The following ENO4 variants were observed in gnomAD, a reference collection of about 807,000 sequenced individuals.
ENO4 encodes enolase 4, also known as 2-phospho-D-glycerate hydro-lyase.
ENO4 carries 53 observed loss-of-function variants against 63.2 expected under a neutral mutation model. The observed-to-expected ratio is 0.84, with a 90% CI of 0.67 to 1.05. The LOEUF (loss-of-function observed/expected upper bound fraction) is 1.05, where lower values mean the gene tolerates loss of function less well. ENO4 is among the 50% of genes least tolerant of loss of function. ENO4 has a pLI of 0.00. For synonymous variants in ENO4, 266 were observed against 283.8 expected, an observed-to-expected ratio of 0.94 and a Z score of 0.63; for missense variants, 719 against 772.0, an observed-to-expected ratio of 0.93 and a Z score of 0.81.
chr10:116,861,236 A>AATAT (rs57040708), intron 6 of ENO4, 46 bp downstream of exon 6: 2,805 of 167,410 alleles, frequency 0.017, 22 homozygotes, highest in Admixed American at 0.024. Flanking sequence ...AAAAAAAAAA[A>AATAT]ATATATATAT....
chr10:116,890,340 G>A (rs1847300121), intron 10 of ENO4, among the ~76,000 whole-genome samples: 1 of 152,178 alleles, frequency 6.6e-6, no homozygotes. Flanking sequence ...TGGGATGCTT[G>A]GGCTGACAGG....
rs1486760087 is a variant in ENO4 at position 116,880,004 on chromosome 10, GCTTT to G, written c.1723+19_1723+22del. The G allele has an allele frequency of 1.3e-6, 2 of 1,514,670 alleles. No homozygotes were observed. The highest frequency in any genetic ancestry group is 1.7e-4 in the Middle Eastern group (1 of 5,914). The allele number at this position is 1,514,670 out of a possible 1,614,324, so 93.8% of individuals were successfully genotyped here. A position where few individuals can be genotyped will look rare whatever the true frequency, so the allele number is the denominator to read the frequency against. On this transcript the variant is annotated intron_variant, in intron 13 of 13. Coordinates refer to ENST00000341276, the MANE Select transcript of ENO4 (RefSeq NM_001242699.2). ...AACACTGGGTATGCGCTGCTTTCTT[GCTTT>G]GTTTCCACTTAGCCATGAATAAGAG...
chr10:116,855,096 T>C lies in ENO4; in HGVS notation c.166-527T>C, dbSNP rs148978254. On this transcript the variant is annotated intron_variant, in intron 1 of 13. Transcript: ENST00000341276. Reference sequence around the variant, plus strand: ...AATCACGAGGTCAAGAGATTGAGACTATCCTGGCCAACATGGTGAAACCCC... The same window carrying C: ...AATCACGAGGTCAAGAGATTGAGACCATCCTGGCCAACATGGTGAAACCCC... Among the ~76,000 whole-genome samples, 638 of 151,926 alleles carry C rather than the reference T, an allele frequency of 4.2e-3. 8 individuals carry two copies. Among genetic ancestry groups the C allele is most frequent in the Non-Finnish European group, 3.6e-3 (244 of 67,960 alleles).
At chr10:116,859,261 C>A in intron 4 of ENO4, 123 bp downstream of exon 4, 1 of 1,147,728 alleles carries the variant, frequency 8.7e-7, no homozygotes, top group Non-Finnish European at 1.2e-6. Flanking sequence ...CGGCTAAAAG[C>A]CATCCATCCT....
intron 4 of ENO4, 80 bp from the exon 5 acceptor site, chr10:116,860,714 C>T: frequency 9.1e-7 from 1 of 1,101,226 alleles, no homozygotes; most frequent in Non-Finnish European, 1.2e-6. Flanking sequence ...CGGCTTTCAT[C>T]CTTTCTTTTT....
rs1846316608 is a variant in ENO4, at chr10:116,858,087, C to A, written c.486-903C>A. 2.0e-5 allele frequency among the ~76,000 whole-genome samples: 3 copies of A among 151,822 alleles called. No homozygotes were observed. The South Asian group carries it at 6.2e-4, about 32-fold the overall frequency. On this transcript the variant is annotated intron_variant, in intron 3 of 13. Transcript: ENST00000341276. ...CAGTTACATCTTGTATTTTATTACA[C>A]TCCTTTTTTTCCTGGCATTTTCCCT...
intron 8 of ENO4, among the ~76,000 whole-genome samples, chr10:116,870,702 T>C (rs1255828879): frequency 1.3e-5 from 2 of 152,152 alleles, no homozygotes; most frequent in Non-Finnish European, 2.9e-5. Flanking sequence ...GCTGCGTTTA[T>C]CTAGAAGAAA....
At chr10:116,856,094 T>C (rs1846249415) in intron 2 of ENO4, among the ~76,000 whole-genome samples, 1 of 152,218 alleles carries the variant, frequency 6.6e-6, no homozygotes, top group African/African-American at 2.4e-5. Context: ...CATTTATAGA[T>C]GTTAGACTGA....
chr10:116,879,519 T>C (rs1462096334), intron 12 of ENO4, among the ~76,000 whole-genome samples, 161 bp downstream of exon 12: 2 of 152,296 alleles, frequency 1.3e-5, no homozygotes, highest in East Asian at 3.9e-4. Context: ...TCTTTGAACT[T>C]TTAAAAAGAA....
intron 9 of ENO4, among the ~76,000 whole-genome samples, chr10:116,873,229 T>A (rs935443024): frequency 2.6e-5 from 4 of 152,152 alleles, no homozygotes; most frequent in Non-Finnish European, 5.9e-5. Flanking sequence ...AAGTATGAAA[T>A]CCCTTCAGTT....
chr10:116,879,978 G>T lies in ENO4; in HGVS notation c.1715G>T (p.Gly572Val), dbSNP rs940384813. The change falls in exon 13 of 14, where the codon GGA (glycine) becomes GTA (valine). Residue 572 changes from glycine (G) to valine (V), a missense_variant. Physicochemically the swap from Gly to Val is moderately radical, Grantham distance 109. Around this residue, in one of 3 missense-constraint regions of ENO4, gnomAD observed 168 missense variants for 163.3 expected, o/e 1.03. Coordinates refer to ENST00000341276, the MANE Select transcript of ENO4 (RefSeq NM_001242699.2). Reference protein sequence around the residue: ...LTIEEELVQNGTLGFKEEHTF... With the variant: ...LTIEEELVQNVTLGFKEEHTF... ...ATAGAGGAAGAACTTGTCCAGAATG[G>T]AACACTGGGTATGCGCTGCTTTCTT... 6.5e-7 allele frequency: 1 copy of T among 1,546,648 alleles called. No homozygotes were observed. The highest frequency in any genetic ancestry group is 1.4e-5 in the African/African-American group (1 of 72,916).
At chr10:116,900,307 T>C (rs1237976551) in intron 10 of ENO4, 8 of 554,108 alleles carry the variant, frequency 1.4e-5, no homozygotes, top group Non-Finnish European at 2.6e-5. Flanking sequence ...TAAGCAGTCA[T>C]TGAACAAGCA....
downstream of ENO4, chr10:116,886,115 A>G: frequency 1.8e-6 from 1 of 569,504 alleles, no homozygotes; most frequent in South Asian, 2.7e-5. Context: ...TAGGAAAAAA[A>G]CCTCATCTTT....
At chr10:116,874,315 AAAAT>A in intron 10 of ENO4, 114 bp downstream of exon 10, 2 of 969,696 alleles carry the variant, frequency 2.1e-6, no homozygotes, top group Non-Finnish European at 2.8e-6. Context: ...AACAGAGAAT[AAAAT>A]CTCATTCTTT....
At chr10:116,871,078 C>T (rs1204930832) in intron 8 of ENO4, 47 bp from the exon 9 acceptor site, 1 of 1,524,436 alleles carries the variant, frequency 6.6e-7, no homozygotes, top group South Asian at 1.2e-5. Flanking sequence ...GCGCCAAGAA[C>T]CTTAATGTGC....
intron 4 of ENO4, among the ~76,000 whole-genome samples, chr10:116,860,325 C>T (rs1035255922): frequency 2.6e-5 from 4 of 152,160 alleles, no homozygotes; most frequent in Non-Finnish European, 5.9e-5. Flanking sequence ...CAGAACAAGG[C>T]ATTGGTTTGG....
At chr10:116,863,910 A>G (rs1304881367) in intron 7 of ENO4, among the ~76,000 whole-genome samples, 1 of 152,172 alleles carries the variant, frequency 6.6e-6, no homozygotes, top group East Asian at 1.9e-4. Flanking sequence ...TCGACAAGTT[A>G]GCTCTGATGT....
chr10:116,876,088 C>A lies in ENO4; in HGVS notation c.1365C>A (p.Ile455=), dbSNP rs780831519. 2 of 1,548,404 alleles carry A rather than the reference C, an allele frequency of 1.3e-6. No homozygotes were observed. The highest frequency in any genetic ancestry group is 1.2e-5 in the South Asian group (1 of 83,324). The change falls in exon 11 of 14, where the codon ATC becomes ATA. Residue 455 remains isoleucine, a synonymous_variant. Transcript: ENST00000341276. ...RKEDSEQWDS[I]YHALGSRCYI... ...AGGACTCTGAACAGTGGGACAGCATCTATCACGCACTTGGTTCCAGGTGTT... is the reference window on the plus strand; with the variant it reads ...AGGACTCTGAACAGTGGGACAGCATATATCACGCACTTGGTTCCAGGTGTT...
Position 116,881,747 on chromosome 10 carries a change from C to T in ENO4, c.*78C>T. On this transcript the variant is annotated 3_prime_UTR_variant, in exon 14 of 14. Transcript: ENST00000341276. ...GGTCTGAAGTACGGCGCCGTGTCTC[C>T]ACATGGAGTTTCCTCTTCAACTTCA... is the stretch of plus-strand genomic sequence containing the variant. 8.9e-7 allele frequency: 1 copy of T among 1,128,440 alleles called. No individual in the cohort carries two copies. Among genetic ancestry groups the T allele is most frequent in the Non-Finnish European group, 1.2e-6 (1 of 862,508 alleles). The allele number at this position is 1,128,440 out of a possible 1,614,324, so 69.9% of individuals were successfully genotyped here. A position where few individuals can be genotyped will look rare whatever the true frequency, so the allele number is the denominator to read the frequency against.
Sources: gnomAD v4.1 joint callset for allele counts (sites outside exome capture counted in the v4.1 genomes callset) on GRCh38, gnomAD v4.1.1 for gene constraint, gnomAD v4.1.1 regional missense constraint, MANE v1.5 for transcripts, NCBI Gene and HGNC (gene_info 2026-07-23, HGNC 2026-07-21) for gene names.